Variants in SUGP2 observed in about 807,000 individuals in gnomAD.
SUGP2 encodes SURP and G-patch domain containing 2, also known as SURP and G-patch domain-containing protein 2.
A neutral mutation model predicts 90.5 loss-of-function variants in SUGP2; 24 were observed. The observed-to-expected ratio is 0.27, with a 90% CI of 0.19 to 0.37. The LOEUF is 0.37. Among genes scored for constraint, SUGP2 ranks in the 10% least tolerant of loss-of-function variants. SUGP2 has a pLI of 1.00. For missense variants in SUGP2, 1,233 were observed against 1,363.3 expected (o/e 0.90, Z 1.51); for synonymous variants, 473 against 513.4 (o/e 0.92, Z 1.06).
chr19:19,027,867 A>T (rs917730640), intron 2 of SUGP2, among the ~76,000 whole-genome samples: 1 of 152,114 alleles, frequency 6.6e-6, no homozygotes, highest in Non-Finnish European at 1.5e-5. Flanking sequence ...GGAACTCCTG[A>T]CCTTGTGATC....
At chr19:19,013,065 C>T (rs1413367901) in intron 4 of SUGP2, among the ~76,000 whole-genome samples, 8 of 152,228 alleles carry the variant, frequency 5.3e-5, no homozygotes, top group African/African-American at 1.9e-4. Flanking sequence ...TGGGGTTTCA[C>T]CATGTTGGCC....
chr19:19,015,707 G>A (rs2072666703), intron 4 of SUGP2, among the ~76,000 whole-genome samples: 1 of 152,256 alleles, frequency 6.6e-6, no homozygotes, highest in African/African-American at 2.4e-5. Context: ...GTTTCACTAT[G>A]TTGGCCAGGC....
At chr19:18,997,024 A>G (rs961485296) in intron 8 of SUGP2, among the ~76,000 whole-genome samples, 1 of 151,976 alleles carries the variant, frequency 6.6e-6, no homozygotes, top group African/African-American at 2.4e-5. Flanking sequence ...GACCCTGGGC[A>G]TGGGAAGCAG....
intron 4 of SUGP2, among the ~76,000 whole-genome samples, chr19:19,017,452 C>G (rs1015949860): frequency 1.3e-5 from 2 of 152,168 alleles, no homozygotes; most frequent in Non-Finnish European, 2.9e-5. Context: ...CAGCTCCAAC[C>G]CTAATACAGA....
chr19:19,015,470 A>G (rs1316137403), intron 4 of SUGP2, among the ~76,000 whole-genome samples: 5 of 151,930 alleles, frequency 3.3e-5, no homozygotes, highest in African/African-American at 9.7e-5. Context: ...GTGCTTTTGT[A>G]TCACACTCTT....
At chr19:19,020,184 C>T (rs896056203) in intron 3 of SUGP2, among the ~76,000 whole-genome samples, 2 of 151,880 alleles carry the variant, frequency 1.3e-5, no homozygotes, top group Non-Finnish European at 2.9e-5. Flanking sequence ...AATCCCAGCA[C>T]TTTGGAAGGC....
At chr19:18,998,238 T>C (rs1429116522) in intron 8 of SUGP2, among the ~76,000 whole-genome samples, 1 of 152,250 alleles carries the variant, frequency 6.6e-6, no homozygotes, top group Non-Finnish European at 1.5e-5. Context: ...TTCTTTGAGT[T>C]TTCATAATGT....
rs747590867 is a variant in SUGP2, at chr19:18,994,378, C to T, written c.3237G>A (p.Arg1079=). The change falls in exon 10 of 11, where the codon CGG becomes CGA. Residue 1079 remains arginine, a synonymous_variant. Transcript: ENST00000452918. The stretch of plus-strand genomic sequence containing the variant: ...CCTGTGAACATACCTATTTGTTGGC[C>T]CGCTTGTGTCTGTACATCTGCATCA... The part of the protein sequence containing the change: ...QRMMQMYRHK[R]ANK 12 of 1,614,100 alleles carry T rather than the reference C, an allele frequency of 7.4e-6. No homozygotes were observed. Among genetic ancestry groups the T allele is most frequent in the Non-Finnish European group, 1.0e-5 (12 of 1,179,978 alleles).
chr19:19,019,160 C>T lies in SUGP2; in HGVS notation c.1799G>A (p.Gly600Asp), dbSNP rs750688212. The part of the protein sequence containing the change: ...IDQLVKRVIE[G>D]SLSPKERTLL... ...AGTTCTCTCTTTGGGAGACAGGCTG[C>T]CTTCGATGACACGTTTCACAAGCTG... The change falls in exon 4 of 11, where the codon GGC becomes GAC. Residue 600 changes from glycine (G) to aspartate (D), a missense_variant. This residue lies in a region of SUGP2 where 540 missense variants were observed against 542.6 expected (regional missense o/e 1.00). Transcript: ENST00000452918. 1 of 1,614,134 alleles carries T rather than the reference C, an allele frequency of 6.2e-7. No homozygotes were observed. The highest frequency in any genetic ancestry group is 1.1e-5 in the South Asian group (1 of 91,084).
At chr19:19,017,367 G>T (rs1460993141) in intron 4 of SUGP2, among the ~76,000 whole-genome samples, 1 of 152,208 alleles carries the variant, frequency 6.6e-6, no homozygotes, top group Non-Finnish European at 1.5e-5. Context: ...GTTGTTACTA[G>T]TGAGACAGAA....
In SUGP2 at chr19:19,033,489, C is replaced by T. The variant is rs1455970570; in HGVS notation, c.-64G>A. ...CCCGCCGCCGCCTCAGGCTCCTCAC[C>T]CGCCGCCGCCGCCGCGCGAGGCGGG... On this transcript the variant is annotated 5_prime_UTR_variant, in exon 1 of 11. Transcript: ENST00000452918. 2 of 1,220,624 alleles carry T rather than the reference C, an allele frequency of 1.6e-6. No homozygotes were observed. Among genetic ancestry groups the T allele is most frequent in the Non-Finnish European group, 2.1e-6 (2 of 953,058 alleles). The allele number at this position is 1,220,624 out of a possible 1,614,324, so 75.6% of individuals were successfully genotyped here.
intron 7 of SUGP2, among the ~76,000 whole-genome samples, chr19:19,001,905 A>G (rs544088595): frequency 7.2e-5 from 11 of 152,200 alleles, no homozygotes; most frequent in Non-Finnish European, 1.3e-4. Flanking sequence ...GCCATAATGA[A>G]GGGTTCACTG....
At chr19:19,005,189 T>C (rs2058016372) in intron 6 of SUGP2, among the ~76,000 whole-genome samples, 2 of 152,166 alleles carry the variant, frequency 1.3e-5, no homozygotes, top group Admixed American at 1.3e-4. Flanking sequence ...GGCCTCTCTG[T>C]GCCTCAGGGG....
chr19:19,004,717 G>A (rs2057993197), intron 6 of SUGP2, 71 bp from the exon 7 acceptor site: 4 of 1,296,692 alleles, frequency 3.1e-6, no homozygotes, highest in South Asian at 2.7e-5. Flanking sequence ...TGAAACTGCT[G>A]GGATTGATCC....
intron 4 of SUGP2, among the ~76,000 whole-genome samples, chr19:19,018,558 G>A (rs2058587986): frequency 6.6e-6 from 1 of 150,752 alleles, no homozygotes; most frequent in South Asian, 2.1e-4. Context: ...GTGGTGGTGG[G>A]CTCCTGTAGT....
At chr19:19,018,008 C>T (rs1274688876) in intron 4 of SUGP2, among the ~76,000 whole-genome samples, 1 of 151,414 alleles carries the variant, frequency 6.6e-6, no homozygotes. Flanking sequence ...CTTTGGGAGG[C>T]CAAGGCAGGT....
Position 19,010,008 on chromosome 19 carries a change from C to G in SUGP2, c.2185G>C (p.Asp729His). The G allele has an allele frequency of 6.2e-7, 1 of 1,614,060 alleles. No homozygotes were observed. Among genetic ancestry groups the G allele is most frequent in the Non-Finnish European group, 8.5e-7 (1 of 1,180,022 alleles). ...CAGTCCTTGGCAGCATCATTTCTGT[C>G]TGGCAGGGATGGTTTTGCCTGTGAG... ...GLSQAKPSLPDRNDAAKDCPP... is the reference protein window; with the variant it reads ...GLSQAKPSLPHRNDAAKDCPP... The change falls in exon 5 of 11, where the codon GAC (aspartate) becomes CAC (histidine). Residue 729 changes from aspartate (D) to histidine (H), a missense_variant. Physicochemically the swap from Asp to His is moderately conservative, Grantham distance 81. This residue lies in a region of SUGP2 where 540 missense variants were observed against 542.6 expected (regional missense o/e 1.00). Transcript: ENST00000452918.
chr19:19,026,280 C>A, intron 2 of SUGP2, 54 bp from the exon 3 acceptor site: 1 of 1,447,098 alleles, frequency 6.9e-7, no homozygotes, highest in Non-Finnish European at 9.1e-7. Context: ...TACTTTAGAC[C>A]AGAGAATGCA....
intron 7 of SUGP2, among the ~76,000 whole-genome samples, chr19:19,002,331 G>A (rs545805596): frequency 3.6e-4 from 55 of 151,020 alleles, no homozygotes; most frequent in Middle Eastern, 3.4e-3. Context: ...AGTGAGCCGA[G>A]ATTGTGCCAC....
Sources: gnomAD v4.1 joint callset for allele counts (sites outside exome capture counted in the v4.1 genomes callset) on GRCh38, gnomAD v4.1.1 for gene constraint, gnomAD v4.1.1 regional missense constraint, MANE v1.5 for transcripts, NCBI Gene and HGNC (gene_info 2026-07-23, HGNC 2026-07-21) for gene names.